The following STAM variants were observed in gnomAD, a reference collection of about 807,000 sequenced individuals.
The protein encoded by STAM is signal transducing adaptor molecule, also known as signal transducing adapter molecule 1.
Under a neutral mutation model 63.4 loss-of-function variants are expected in STAM, and 16 were observed. That is an observed-to-expected ratio of 0.25 (90% CI 0.17 to 0.38). The LOEUF (loss-of-function observed/expected upper bound fraction) is 0.38. Among genes scored for constraint, STAM ranks in the 10% least tolerant of loss-of-function variants. The pLI, the probability that STAM is intolerant of heterozygous loss-of-function variation, is 1.00. For missense variants in STAM, 636 were observed against 657.1 expected, an observed-to-expected ratio of 0.97 and a Z score of 0.35; for synonymous variants, 238 against 223.9, an observed-to-expected ratio of 1.06 and a Z score of -0.56.
chr10:17,703,331 G>GTT (rs35796286), intron 9 of STAM, among the ~76,000 whole-genome samples: 14 of 140,160 alleles, frequency 1.0e-4, no homozygotes, highest in Non-Finnish European at 7.8e-5. Flanking sequence ...CTTGGGAAGA[G>GTT]TTTTTTTTTT....
In STAM at chr10:17,706,017, G is replaced by A. The variant is rs540490688; in HGVS notation, c.1209+276G>A. Among the ~76,000 whole-genome samples the A allele has an allele frequency of 2.6e-5, 4 of 152,076 alleles. No individual in the cohort carries two copies. In the South Asian group the frequency reaches 6.2e-4, roughly 24 times the overall value. ...CAGAAGGTCGAGGCTGCAGTGAGCC[G>A]TGTTCACACCACTGCAGTCTAGCCT... On this transcript the variant is annotated intron_variant, in intron 12 of 13. Transcript: ENST00000377524.
At chr10:17,699,154 G>A (rs200808235) in intron 8 of STAM, among the ~76,000 whole-genome samples, 1 of 152,106 alleles carries the variant, frequency 6.6e-6, no homozygotes, top group Admixed American at 6.5e-5. Flanking sequence ...TCAAATCCAG[G>A]CTTTGTCATT....
intron 6 of STAM, among the ~76,000 whole-genome samples, chr10:17,693,706 T>C (rs1186652226): frequency 6.6e-6 from 1 of 152,232 alleles, no homozygotes; most frequent in African/African-American, 2.4e-5. Flanking sequence ...TACCATATTT[T>C]TCTGTCTTCC....
At chr10:17,703,346 A>G (rs1304469849) in intron 9 of STAM, among the ~76,000 whole-genome samples, 1 of 146,234 alleles carries the variant, frequency 6.8e-6, no homozygotes, top group East Asian at 2.0e-4. Context: ...TTTTTTTTTT[A>G]GCATACTTAT....
At chr10:17,682,352 C>A (rs1385646837) in intron 2 of STAM, among the ~76,000 whole-genome samples, 2 of 152,112 alleles carry the variant, frequency 1.3e-5, no homozygotes, top group African/African-American at 4.8e-5. Context: ...TAATATATTA[C>A]AATTTATCCA....
chr10:17,666,029 T>C (rs868949828), intron 2 of STAM, among the ~76,000 whole-genome samples: 28 of 152,336 alleles, frequency 1.8e-4, no homozygotes, highest in Middle Eastern at 3.4e-3. Flanking sequence ...AAATAATTTT[T>C]CTATGTTAGT....
chr10:17,699,925 T>A (rs1464335017), intron 8 of STAM, among the ~76,000 whole-genome samples: 1 of 152,232 alleles, frequency 6.6e-6, no homozygotes, highest in Non-Finnish European at 1.5e-5. Flanking sequence ...TTAACCTTTT[T>A]TCAGAAATAC....
intron 1 of STAM, among the ~76,000 whole-genome samples, chr10:17,655,599 T>A (rs1462762318): frequency 6.6e-6 from 1 of 152,248 alleles, no homozygotes; most frequent in Non-Finnish European, 1.5e-5. Context: ...TAAACTCACT[T>A]GACGTACTTC....
At chr10:17,689,238 TC>T (rs1835430401) in intron 5 of STAM, among the ~76,000 whole-genome samples, 1 of 152,252 alleles carries the variant, frequency 6.6e-6, no homozygotes, top group South Asian at 2.1e-4. Context: ...ACACTGTCTT[TC>T]CCCAGTTTAT....
chr10:17,674,071 C>T (rs1185358654), intron 2 of STAM, among the ~76,000 whole-genome samples: 1 of 152,166 alleles, frequency 6.6e-6, no homozygotes, highest in African/African-American at 2.4e-5. Context: ...GGATGAGATT[C>T]ATGGCTGGCT....
chr10:17,699,622 A>C (rs1476423186), intron 8 of STAM, among the ~76,000 whole-genome samples: 1 of 152,216 alleles, frequency 6.6e-6, no homozygotes, highest in African/African-American at 2.4e-5. Context: ...ATTTGTTGGA[A>C]GACTGAGACC....
At chr10:17,655,922 T>A (rs1322200560) in intron 1 of STAM, among the ~76,000 whole-genome samples, 3 of 151,486 alleles carry the variant, frequency 2.0e-5, no homozygotes, top group African/African-American at 7.3e-5. Flanking sequence ...ATGATTTTTT[T>A]AAAGTTTTTT....
intron 2 of STAM, among the ~76,000 whole-genome samples, chr10:17,678,497 G>A (rs904160253): frequency 5.9e-5 from 9 of 152,012 alleles, no homozygotes; most frequent in African/African-American, 1.2e-4. Context: ...CAGGTGATCC[G>A]CCTGCCTCGG....
intron 12 of STAM, among the ~76,000 whole-genome samples, chr10:17,707,865 C>A (rs978548619): frequency 2.0e-5 from 3 of 151,420 alleles, no homozygotes; most frequent in South Asian, 2.1e-4. Flanking sequence ...GTAGACAAAT[C>A]CAGCCTGTTG....
intron 1 of STAM, among the ~76,000 whole-genome samples, chr10:17,652,063 G>C (rs1833762939): frequency 6.6e-6 from 1 of 152,168 alleles, no homozygotes; most frequent in Non-Finnish European, 1.5e-5. Context: ...TTGAGTATTA[G>C]TGTAAGGATA....
chr10:17,685,748 C>T (rs528979715), intron 4 of STAM, among the ~76,000 whole-genome samples: 13 of 152,270 alleles, frequency 8.5e-5, no homozygotes, highest in Admixed American at 2.6e-4. Context: ...GGACAAGGCA[C>T]TCTGTTTTTC....
intron 8 of STAM, among the ~76,000 whole-genome samples, chr10:17,699,077 G>A (rs1448390344): frequency 5.3e-5 from 8 of 152,124 alleles, no homozygotes; most frequent in South Asian, 2.1e-4. Flanking sequence ...TCATGTTCTC[G>A]GGGTAAAATC....
intron 2 of STAM, among the ~76,000 whole-genome samples, chr10:17,674,014 G>GC (rs140415936): frequency 0.1 from 15,925 of 152,200 alleles, 899 homozygotes; most frequent in Middle Eastern, 0.16. Context: ...GAGAGTCCTT[G>GC]GAGGGACTGG....
intron 5 of STAM, among the ~76,000 whole-genome samples, chr10:17,689,940 A>G (rs1432315145): frequency 2.0e-5 from 3 of 152,236 alleles, no homozygotes; most frequent in Admixed American, 6.5e-5. Context: ...AGTGCAAGTG[A>G]AAACTGCGTT....
Sources: allele counts gnomAD v4.1 joint callset (sites outside exome capture counted in the v4.1 genomes callset), GRCh38; gene constraint gnomAD v4.1.1; transcripts MANE v1.5; gene names NCBI Gene and HGNC (gene_info 2026-07-23, HGNC 2026-07-21).